Variants in NOX4 observed in about 807,000 individuals in gnomAD.
NOX4 encodes NADPH oxidase 4, also known as kidney oxidase-1.
Under a neutral mutation model 87.6 loss-of-function variants are expected in NOX4, and 69 were observed. That is an observed-to-expected ratio of 0.79 (90% CI 0.65 to 0.96). The LOEUF (loss-of-function observed/expected upper bound fraction) is 0.96. Among genes scored for constraint, NOX4 ranks in the 40% least tolerant of loss-of-function variants. The pLI is 0.00. For missense variants in NOX4, 680 were observed against 681.5 expected (o/e 1.00, Z 0.02); for synonymous variants, 275 against 238.2 (o/e 1.15, Z -1.42).
chr11:89,410,857 G>C (rs529416756), intron 8 of NOX4, among the ~76,000 whole-genome samples: 11 of 152,298 alleles, frequency 7.2e-5, no homozygotes, highest in African/African-American at 2.4e-4. Flanking sequence ...CCAGTGATGT[G>C]GGTGGCACAC....
intron 8 of NOX4, among the ~76,000 whole-genome samples, chr11:89,407,732 T>C (rs868023068): frequency 6.8e-4 from 103 of 152,190 alleles, no homozygotes; most frequent in African/African-American, 2.2e-3. Context: ...AAATGAATCC[T>C]ACTAAGTAAT....
At chr11:89,391,877 T>C (rs1480365710) in intron 11 of NOX4, among the ~76,000 whole-genome samples, 1 of 152,016 alleles carries the variant, frequency 6.6e-6, no homozygotes, top group Non-Finnish European at 1.5e-5. Context: ...AACTAGGCCA[T>C]TGAAAAATGT....
the NOX4 span, among the ~76,000 whole-genome samples, chr11:89,587,911 A>C: frequency 6.6e-6 from 1 of 152,300 alleles, no homozygotes; most frequent in East Asian, 1.9e-4. Flanking sequence ...ATTTGACAAT[A>C]AAATACAATA....
At chr11:89,438,898 TA>T (rs1565294216) in intron 6 of NOX4, among the ~76,000 whole-genome samples, 1 of 19,890 alleles carries the variant, frequency 5.0e-5, no homozygotes, top group Non-Finnish European at 7.9e-5. Flanking sequence ...TTATATATTA[TA>T]TATATAATAT....
chr11:89,512,492 T>C, the NOX4 span, among the ~76,000 whole-genome samples: 3 of 152,078 alleles, frequency 2.0e-5, no homozygotes, highest in Non-Finnish European at 4.4e-5. Flanking sequence ...TTTCACCTTC[T>C]TAGGTAACTC....
chr11:89,388,422 T>TG (rs1465221561), intron 11 of NOX4, among the ~76,000 whole-genome samples: 1 of 152,140 alleles, frequency 6.6e-6, no homozygotes, highest in African/African-American at 2.4e-5. Flanking sequence ...ACTGGTCAGT[T>TG]GGGGGTTACA....
intron 17 of NOX4, among the ~76,000 whole-genome samples, chr11:89,334,807 T>C (rs1565169952): frequency 1.3e-5 from 2 of 151,686 alleles, no homozygotes; most frequent in Admixed American, 6.6e-5. Context: ...GTTCATTCTT[T>C]TTGCAGAAGT....
intron 2 of NOX4, among the ~76,000 whole-genome samples, chr11:89,453,924 C>T (rs957475584): frequency 1.3e-5 from 2 of 152,104 alleles, no homozygotes; most frequent in Non-Finnish European, 2.9e-5. Flanking sequence ...AATGAACAAA[C>T]ATTTGAGGTA....
chr11:89,396,329 G>C (rs189688495), intron 11 of NOX4, among the ~76,000 whole-genome samples: 1 of 152,262 alleles, frequency 6.6e-6, no homozygotes, highest in East Asian at 1.9e-4. Context: ...GTATAGGAAT[G>C]TTTATGATTT....
the NOX4 span, among the ~76,000 whole-genome samples, chr11:89,506,284 G>A: frequency 3.7e-3 from 181 of 49,280 alleles, 1 homozygote; most frequent in Middle Eastern, 0.013. Context: ...AAAAAGAAAG[G>A]AAGAAAGAAA....
chr11:89,542,611 A>G, the NOX4 span, among the ~76,000 whole-genome samples: 1 of 152,172 alleles, frequency 6.6e-6, no homozygotes, highest in Non-Finnish European at 1.5e-5. Flanking sequence ...CCATGAGAAT[A>G]AGAACTAGTC....
At chr11:89,528,934 A>G in the NOX4 span, among the ~76,000 whole-genome samples, 3 of 152,350 alleles carry the variant, frequency 2.0e-5, no homozygotes, top group Middle Eastern at 6.8e-3. Context: ...CAAAATATTA[A>G]GCAACAATTC....
the NOX4 span, among the ~76,000 whole-genome samples, chr11:89,561,699 G>C: frequency 6.6e-6 from 1 of 152,074 alleles, no homozygotes; most frequent in Non-Finnish European, 1.5e-5. Flanking sequence ...TGTTGTTGGT[G>C]CCGGGGACAT....
the NOX4 span, among the ~76,000 whole-genome samples, chr11:89,584,795 A>G: frequency 0.015 from 2,287 of 152,266 alleles, 48 homozygotes; most frequent in African/African-American, 0.048. Flanking sequence ...ATGTATATAC[A>G]TATATTGATA....
At chr11:89,355,945 G>C (rs755522072) in intron 12 of NOX4, among the ~76,000 whole-genome samples, 2 of 151,928 alleles carry the variant, frequency 1.3e-5, no homozygotes, top group Non-Finnish European at 2.9e-5. Flanking sequence ...GTGCTTATTC[G>C]CAAACAAAAT....
chr11:89,357,343 G>A (rs1350077534), intron 12 of NOX4, among the ~76,000 whole-genome samples: 4 of 151,786 alleles, frequency 2.6e-5, no homozygotes, highest in Admixed American at 6.6e-5. Flanking sequence ...TGTTTTTCTC[G>A]AATTATACTC....
the NOX4 span, among the ~76,000 whole-genome samples, chr11:89,514,255 T>C: frequency 7.2e-5 from 11 of 152,126 alleles, 1 homozygote; most frequent in East Asian, 2.1e-3. Context: ...GTTTTTTCTT[T>C]TGAATGCTGT....
At chr11:89,542,777 C>T in the NOX4 span, among the ~76,000 whole-genome samples, 1 of 151,992 alleles carries the variant, frequency 6.6e-6, no homozygotes, top group Non-Finnish European at 1.5e-5. Context: ...AGTGTTGAGG[C>T]AAAATAAAAG....
At chr11:89,545,010 T>C in the NOX4 span, 1 of 152,166 alleles carries the variant, frequency 6.6e-6, no homozygotes, top group African/African-American at 2.4e-5. Flanking sequence ...GATACTTATT[T>C]AGCAAAGTCT....
Sources: gnomAD v4.1 joint callset for allele counts (sites outside exome capture counted in the v4.1 genomes callset) on GRCh38, gnomAD v4.1.1 for gene constraint, MANE v1.5 for transcripts, NCBI Gene and HGNC (gene_info 2026-07-23, HGNC 2026-07-21) for gene names.